MDGA2: variants seen among roughly 807,000 people sequenced by gnomAD.
MDGA2 encodes the protein MAM domain-containing glycosylphosphatidylinositol anchor protein 2.
Under a neutral mutation model 117.8 loss-of-function variants are expected in MDGA2, and 40 were observed. That is an observed-to-expected ratio of 0.34 (90% CI 0.26 to 0.44). The LOEUF (loss-of-function observed/expected upper bound fraction) is 0.44, where lower values mean the gene tolerates loss of function less well. Ranked by LOEUF, MDGA2 falls within the 20% of genes least tolerant of loss-of-function variation. MDGA2 has a pLI of 1.00. For missense variants in MDGA2, 1,123 were observed against 1,250.6 expected, an observed-to-expected ratio of 0.90 and a Z score of 1.54; for synonymous variants, 452 against 439.0, an observed-to-expected ratio of 1.03 and a Z score of -0.37.
At chr14:46,964,350 C>A (rs1415245810) in intron 8 of MDGA2, among the ~76,000 whole-genome samples, 1 of 152,134 alleles carries the variant, frequency 6.6e-6, no homozygotes, top group African/African-American at 2.4e-5. Context: ...TAGTTTGTTA[C>A]ATAGCAAGAA....
chr14:47,595,546 A>C lies in MDGA2; in HGVS notation c.280+78971T>G, dbSNP rs533212834. 3.1e-4 allele frequency among the ~76,000 whole-genome samples: 34 copies of C among 108,140 alleles called. 1 individual carries two copies. In the South Asian group the frequency reaches 4.7e-3, roughly 15 times the overall value. The allele number at this position is 108,140 out of a possible 152,430, so 70.9% of individuals were successfully genotyped here. A position where few individuals can be genotyped will look rare whatever the true frequency, so the allele number is the denominator to read the frequency against. On this transcript the variant is annotated intron_variant, in intron 1 of 16. Coordinates refer to ENST00000399232, the MANE Select transcript of MDGA2 (RefSeq NM_001113498.3). ...AAACTCCTTCTAAAAAAACCAAAAAACAAAAAAAAACAAAAAAAAAAAAAA... is the reference window on the plus strand; with the variant it reads ...AAACTCCTTCTAAAAAAACCAAAAACCAAAAAAAAACAAAAAAAAAAAAAA...
At position 46,977,621 on chromosome 14, in the gene MDGA2, T is replaced by G. The variant is rs556553022; in HGVS notation, c.1820-19978A>C. On this transcript the variant is annotated intron_variant, in intron 8 of 16. Coordinates refer to ENST00000399232, the MANE Select transcript of MDGA2 (RefSeq NM_001113498.3). ...GTCTATTATAACTAACCATTTTATA[T>G]GCTGATAGTTCTAATTAAGTCAGAA... is the stretch of plus-strand genomic sequence containing the variant. 3.9e-5 allele frequency among the ~76,000 whole-genome samples: 6 copies of G among 152,074 alleles called. No homozygotes were observed. In the East Asian group the frequency reaches 9.6e-4, roughly 24 times the overall value.
At chr14:47,204,028 A>G (rs1229566412) in intron 3 of MDGA2, among the ~76,000 whole-genome samples, 1 of 152,048 alleles carries the variant, frequency 6.6e-6, no homozygotes, top group Non-Finnish European at 1.5e-5. Flanking sequence ...TACAAAGATG[A>G]AAAATTCAAA....
chr14:46,966,393 C>T (rs187478140), intron 8 of MDGA2, among the ~76,000 whole-genome samples: 90 of 152,228 alleles, frequency 5.9e-4, no homozygotes, highest in African/African-American at 2.1e-3. Flanking sequence ...AAAATCTTGC[C>T]TTACTGGTTA....
intron 8 of MDGA2, among the ~76,000 whole-genome samples, chr14:46,988,812 T>G (rs972402315): frequency 1.3e-5 from 2 of 152,056 alleles, no homozygotes; most frequent in Admixed American, 6.6e-5. Context: ...GAATAGATTC[T>G]TTGAGAAGAG....
At chr14:47,610,482 G>A (rs191420938) in intron 1 of MDGA2, among the ~76,000 whole-genome samples, 2 of 152,000 alleles carry the variant, frequency 1.3e-5, no homozygotes, top group African/African-American at 4.8e-5. Flanking sequence ...CAAGACTAAC[G>A]TACAAAAATC....
At chr14:46,867,520 T>A (rs1358748201) in intron 14 of MDGA2, among the ~76,000 whole-genome samples, 1 of 152,090 alleles carries the variant, frequency 6.6e-6, no homozygotes, top group Non-Finnish European at 1.5e-5. Context: ...TGTGCACATG[T>A]ACCCTAAAAC....
At chr14:47,367,435 G>C (rs139549301) in intron 1 of MDGA2, among the ~76,000 whole-genome samples, 2 of 152,088 alleles carry the variant, frequency 1.3e-5, no homozygotes, top group African/African-American at 4.8e-5. Flanking sequence ...TAGCATCCAG[G>C]AAATATCTTT....
At chr14:47,539,265 C>T (rs1052046315) in intron 1 of MDGA2, among the ~76,000 whole-genome samples, 3 of 152,176 alleles carry the variant, frequency 2.0e-5, no homozygotes, top group African/African-American at 7.2e-5. Flanking sequence ...CAGAGTGCCA[C>T]CGGATGTTCC....
At chr14:47,207,625 T>C (rs901892766) in intron 3 of MDGA2, among the ~76,000 whole-genome samples, 2 of 151,976 alleles carry the variant, frequency 1.3e-5, no homozygotes, top group Non-Finnish European at 2.9e-5. Flanking sequence ...CCCTTCTACA[T>C]TTAGAATACA....
intron 1 of MDGA2, among the ~76,000 whole-genome samples, chr14:47,338,953 A>G (rs75368294): frequency 3.9e-5 from 6 of 152,090 alleles, no homozygotes; most frequent in Non-Finnish European, 7.4e-5. Context: ...TAATTATCAC[A>G]GTACTATTAG....
chr14:47,446,340 G>A (rs894982910), intron 1 of MDGA2, among the ~76,000 whole-genome samples: 1 of 152,098 alleles, frequency 6.6e-6, no homozygotes, highest in African/African-American at 2.4e-5. Context: ...GAAGATTACA[G>A]AATCAGTCAT....
chr14:47,073,404 G>A (rs1396206325), intron 6 of MDGA2, among the ~76,000 whole-genome samples: 10 of 152,134 alleles, frequency 6.6e-5, no homozygotes, highest in Non-Finnish European at 1.5e-5. Flanking sequence ...TCCCAAATCT[G>A]TAAAATGGTA....
chr14:46,873,510 G>A lies in MDGA2; in HGVS notation c.2675C>T (p.Ala892Val), dbSNP rs1208018630. The A allele has an allele frequency of 6.2e-7, 1 of 1,612,452 alleles. No individual in the cohort carries two copies. The highest frequency in any genetic ancestry group is 1.3e-5 in the African/African-American group (1 of 74,756). The change falls in exon 14 of 17, where the codon GCT becomes GTT. Residue 892 changes from alanine to valine, a missense_variant. By Grantham distance (64) the Ala-to-Val change is moderately conservative. Coordinates refer to ENST00000399232, the MANE Select transcript of MDGA2 (RefSeq NM_001113498.3). ...ARLLSPVFSI[A>V]PKNPYGPTNT... The stretch of plus-strand genomic sequence containing the variant: ...TGTGGGTCCATAAGGGTTTTTGGGA[G>A]CTATGCTGAAAACAGGGCTGAGAAG...
chr14:47,380,862 G>A (rs1891604511), intron 1 of MDGA2, among the ~76,000 whole-genome samples: 1 of 152,056 alleles, frequency 6.6e-6, no homozygotes, highest in Non-Finnish European at 1.5e-5. Context: ...CTCATTTTAT[G>A]AGGCCAGCAT....
chr14:47,274,560 C>T (rs991559470), intron 2 of MDGA2, among the ~76,000 whole-genome samples: 1 of 151,860 alleles, frequency 6.6e-6, no homozygotes, highest in South Asian at 2.1e-4. Flanking sequence ...AGTTTTTGTG[C>T]GAAGGTATGT....
intron 1 of MDGA2, among the ~76,000 whole-genome samples, chr14:47,640,304 C>T (rs1189150582): frequency 7.9e-5 from 12 of 152,094 alleles, no homozygotes; most frequent in Non-Finnish European, 1.0e-4. Context: ...TTCTAAATGT[C>T]TCTTCAGTGA....
chr14:47,004,778 G>A (rs546133777), intron 8 of MDGA2, among the ~76,000 whole-genome samples: 1 of 151,616 alleles, frequency 6.6e-6, no homozygotes, highest in African/African-American at 2.4e-5. Context: ...AGCTTTTAGT[G>A]TGCAGGTCTT....
intron 3 of MDGA2, among the ~76,000 whole-genome samples, chr14:47,169,916 T>A (rs574364796): frequency 6.6e-6 from 1 of 152,080 alleles, no homozygotes; most frequent in Non-Finnish European, 1.5e-5. Context: ...TGAAAAAAAT[T>A]ACCTATATTG....
Sources: allele counts gnomAD v4.1 joint callset (sites outside exome capture counted in the v4.1 genomes callset), GRCh38; gene constraint gnomAD v4.1.1; transcripts MANE v1.5; gene names NCBI Gene and HGNC (gene_info 2026-07-23, HGNC 2026-07-21).